CCSER1: variants seen among roughly 807,000 people sequenced by gnomAD.
CCSER1 encodes the protein serine-rich coiled-coil domain-containing protein 1.
Under a neutral mutation model 82.0 loss-of-function variants are expected in CCSER1, and 41 were observed. That is an observed-to-expected ratio of 0.50 (90% CI 0.39 to 0.65). The LOEUF (loss-of-function observed/expected upper bound fraction) is 0.65, where lower values mean the gene tolerates loss of function less well. CCSER1 is among the 30% of genes least tolerant of loss of function. CCSER1 has a pLI of 0.00. For synonymous variants in CCSER1, 414 were observed against 383.9 expected (o/e 1.08, Z -0.92); for missense variants, 1,119 against 1,064.2 (o/e 1.05, Z -0.72).
intron 7 of CCSER1, among the ~76,000 whole-genome samples, chr4:90,777,354 C>CAAAAA (rs60638334): frequency 3.2e-4 from 19 of 58,502 alleles, no homozygotes; most frequent in African/African-American, 9.0e-4. Flanking sequence ...GACTCCATCT[C>CAAAAA]AAAAAAAAAA....
At chr4:90,832,899 C>T (rs995414602) in intron 8 of CCSER1, among the ~76,000 whole-genome samples, 1 of 152,034 alleles carries the variant, frequency 6.6e-6, no homozygotes, top group African/African-American at 2.4e-5. Flanking sequence ...ATGGGAAGAA[C>T]CAAATCTACT....
chr4:90,928,185 G>T (rs998266954), intron 9 of CCSER1, among the ~76,000 whole-genome samples: 3 of 151,894 alleles, frequency 2.0e-5, no homozygotes, highest in African/African-American at 7.2e-5. Context: ...TTTAAAAATT[G>T]AGTTATATAT....
At chr4:90,731,726 T>G (rs1162447122) in intron 7 of CCSER1, among the ~76,000 whole-genome samples, 4 of 152,220 alleles carry the variant, frequency 2.6e-5, no homozygotes, top group Non-Finnish European at 5.9e-5. Context: ...TTATACTATG[T>G]ATATTTAAAG....
chr4:91,372,962 G>A (rs1033260215), intron 10 of CCSER1, among the ~76,000 whole-genome samples: 1 of 151,470 alleles, frequency 6.6e-6, no homozygotes, highest in Non-Finnish European at 1.5e-5. Flanking sequence ...GCCTACATCA[G>A]GATGTGGATC....
rs55891466 is a variant in CCSER1 at position 90,281,349 on chromosome 4, A to G, written c.-41-26895A>G. On this transcript the variant is annotated intron_variant, in intron 1 of 10. Transcript: ENST00000509176. ...AGGGACAGGGTTTTTCCATGTTGCCAGGAAAGGCAAGGATTGAAAAACTAC... is the reference window on the plus strand; with the variant it reads ...AGGGACAGGGTTTTTCCATGTTGCCGGGAAAGGCAAGGATTGAAAAACTAC... Among the ~76,000 whole-genome samples the G allele has an allele frequency of 8.2e-3, 1,251 of 152,114 alleles. 15 individuals are homozygous for G. The highest frequency in any genetic ancestry group is 0.029 in the African/African-American group (1,187 of 41,544).
At chr4:90,736,585 A>G (rs991051059) in intron 7 of CCSER1, among the ~76,000 whole-genome samples, 1 of 151,750 alleles carries the variant, frequency 6.6e-6, no homozygotes, top group African/African-American at 2.4e-5. Context: ...TTCAGTCTAT[A>G]TTTGTTTTTA....
At chr4:90,178,178 C>A (rs1171878766) in intron 1 of CCSER1, among the ~76,000 whole-genome samples, 1 of 151,932 alleles carries the variant, frequency 6.6e-6, no homozygotes, top group Non-Finnish European at 1.5e-5. Context: ...TGTGCTCAAG[C>A]CTAAACTGCA....
intron 10 of CCSER1, among the ~76,000 whole-genome samples, chr4:91,593,860 ATTTCT>A (rs1285766739): frequency 1.3e-5 from 2 of 152,088 alleles, no homozygotes; most frequent in African/African-American, 4.8e-5. Flanking sequence ...TTTGTTTTTC[ATTTCT>A]TAGTGGTGTA....
At chr4:90,915,864 C>A (rs941518014) in intron 8 of CCSER1, among the ~76,000 whole-genome samples, 26 of 151,806 alleles carry the variant, frequency 1.7e-4, no homozygotes, top group Admixed American at 4.6e-4. Flanking sequence ...TTCTTATACA[C>A]CAATAACAGA....
chr4:90,530,749 A>G (rs1163341664), intron 5 of CCSER1, among the ~76,000 whole-genome samples: 2 of 152,114 alleles, frequency 1.3e-5, no homozygotes, highest in African/African-American at 4.8e-5. Flanking sequence ...AGTCCACCAG[A>G]TCTTAGCCAG....
At chr4:90,672,482 T>C (rs1455551246) in intron 6 of CCSER1, among the ~76,000 whole-genome samples, 1 of 152,042 alleles carries the variant, frequency 6.6e-6, no homozygotes, top group Non-Finnish European at 1.5e-5. Flanking sequence ...TAGGCCTTGG[T>C]TTAAGGGAAT....
At chr4:91,380,602 C>T (rs1454783594) in intron 10 of CCSER1, among the ~76,000 whole-genome samples, 1 of 152,052 alleles carries the variant, frequency 6.6e-6, no homozygotes, top group East Asian at 1.9e-4. Flanking sequence ...TTGCTTGGTA[C>T]ATCTTCCTCC....
rs570583671 is a variant in CCSER1, at chr4:91,038,572, T to C, written c.2173-47378T>C. Among the ~76,000 whole-genome samples, 5 of 152,328 alleles carry C rather than the reference T, an allele frequency of 3.3e-5. No individual in the cohort carries two copies. In the South Asian group the frequency reaches 6.2e-4, roughly 19 times the overall value. On this transcript the variant is annotated intron_variant, in intron 9 of 10. Transcript: ENST00000509176. ...AAGAACAAAATATTGTAAACAACAA[T>C]TAATTTTAATGACATGAAGATGATC...
intron 3 of CCSER1, among the ~76,000 whole-genome samples, chr4:90,314,837 C>CTTTTTTTT (rs765931168): frequency 5.7e-5 from 5 of 87,580 alleles, no homozygotes; most frequent in Non-Finnish European, 6.9e-5. Flanking sequence ...CTCAGATTTA[C>CTTTTTTTT]TTTTTTTTTT....
chr4:90,279,124 G>A (rs886097368), intron 1 of CCSER1, among the ~76,000 whole-genome samples: 15 of 151,976 alleles, frequency 9.9e-5, no homozygotes, highest in Admixed American at 9.8e-4. Context: ...TTCACTCTAC[G>A]TAGCTCCACT....
chr4:91,030,633 C>T (rs531076447), intron 9 of CCSER1, among the ~76,000 whole-genome samples: 1 of 151,882 alleles, frequency 6.6e-6, no homozygotes, highest in African/African-American at 2.4e-5. Flanking sequence ...TAAACTAAAA[C>T]TAAGAAGAAT....
intron 10 of CCSER1, among the ~76,000 whole-genome samples, chr4:91,405,904 A>C (rs1752671959): frequency 6.6e-6 from 1 of 152,142 alleles, no homozygotes; most frequent in African/African-American, 2.4e-5. Flanking sequence ...CAGTGAGATG[A>C]ACCTGGTACC....
chr4:90,461,949 A>C (rs1294972423), intron 4 of CCSER1, among the ~76,000 whole-genome samples: 4 of 152,246 alleles, frequency 2.6e-5, no homozygotes, highest in Non-Finnish European at 5.9e-5. Context: ...GATATGGAAT[A>C]GTTCAATTAA....
chr4:90,852,565 G>T (rs1764008892), intron 8 of CCSER1, among the ~76,000 whole-genome samples: 1 of 152,184 alleles, frequency 6.6e-6, no homozygotes, highest in Middle Eastern at 3.2e-3. Flanking sequence ...ACTGTTTAGA[G>T]AACACATCAG....
Sources: allele counts gnomAD v4.1 joint callset (sites outside exome capture counted in the v4.1 genomes callset), GRCh38; gene constraint gnomAD v4.1.1; transcripts MANE v1.5; gene names NCBI Gene and HGNC (gene_info 2026-07-23, HGNC 2026-07-21).